The following KIFC1 variants were observed in gnomAD, a reference collection of about 807,000 sequenced individuals.
The protein encoded by KIFC1 is kinesin-like protein KIFC1.
In KIFC1, 37 loss-of-function variants were observed where a neutral mutation model predicts 66.6. That is an observed-to-expected ratio of 0.56 (90% CI 0.43 to 0.73). The LOEUF (loss-of-function observed/expected upper bound fraction) is 0.73, where lower values mean the gene tolerates loss of function less well. Ranked by LOEUF, KIFC1 falls within the 30% of genes least tolerant of loss-of-function variation. KIFC1 has a pLI of 0.00. For missense variants in KIFC1, 721 were observed against 859.8 expected, an observed-to-expected ratio of 0.84 and a Z score of 2.02; for synonymous variants, 325 against 343.5, an observed-to-expected ratio of 0.95 and a Z score of 0.60.
At chr6:33,399,750 T>A (rs1044596284) in intron 3 of KIFC1, among the ~76,000 whole-genome samples, 1 of 152,258 alleles carries the variant, frequency 6.6e-6, no homozygotes, top group African/African-American at 2.4e-5. Flanking sequence ...AACCATTAAA[T>A]GGAGCATGTT....
At chr6:33,397,226 C>T (rs1370261895) in intron 1 of KIFC1, among the ~76,000 whole-genome samples, 11 of 151,822 alleles carry the variant, frequency 7.2e-5, no homozygotes, top group African/African-American at 2.7e-4. Context: ...ATCTGCCCGC[C>T]TCAGCCTCCC....
intron 1 of KIFC1, among the ~76,000 whole-genome samples, chr6:33,396,987 CTT>C (rs9282514): frequency 2.2e-5 from 2 of 89,218 alleles, no homozygotes; most frequent in Admixed American, 1.5e-4. Context: ...TGGCCAAGTT[CTT>C]TTTTTTTTTT....
chr6:33,405,219 A>G lies in KIFC1; in HGVS notation c.1124A>G (p.Asp375Gly), dbSNP rs1409892915. ...APPTRHDFSFDRVFPPGSGQD... is the reference protein window; with the variant it reads ...APPTRHDFSFGRVFPPGSGQD... The stretch of plus-strand genomic sequence containing the variant: ...CCAACTCGCCATGATTTTTCCTTTG[A>G]CCGGGTATTCCCACCAGGAAGTGGA... Residue 375 changes from aspartate to glycine, a missense_variant, in exon 7 of 11, where the codon GAC becomes GGC. Transcript: ENST00000428849. This position sits in a 1 kb window ranked among gnomAD's most constrained non-coding sequence, Gnocchi z 5.4. The G allele has an allele frequency of 2.5e-6, 4 of 1,613,998 alleles. No individual in the cohort carries two copies. The highest frequency in any genetic ancestry group is 1.3e-5 in the African/African-American group (1 of 74,908).
At chr6:33,396,436 C>CTTTTTTTTTT (rs199749552) in intron 1 of KIFC1, among the ~76,000 whole-genome samples, 78 of 116,246 alleles carry the variant, frequency 6.7e-4, no homozygotes, top group Non-Finnish European at 7.9e-4. Context: ...CTTTTCTTTT[C>CTTTTTTTTTT]TTTTTTTTTT....
intron 10 of KIFC1, chr6:33,407,120 C>T: frequency 7.3e-7 from 1 of 1,371,626 alleles, no homozygotes; most frequent in Non-Finnish European, 9.5e-7. Context: ...ACTAAAAGGT[C>T]TAAACTGGTT....
intron 1 of KIFC1, among the ~76,000 whole-genome samples, chr6:33,394,507 T>C (rs1774936156): frequency 6.6e-6 from 1 of 151,696 alleles, no homozygotes; most frequent in South Asian, 2.1e-4. Flanking sequence ...TGATACGGAG[T>C]CTCTCACTCT....
chr6:33,399,182 G>A (rs530466587), intron 3 of KIFC1, among the ~76,000 whole-genome samples: 1 of 152,018 alleles, frequency 6.6e-6, no homozygotes, highest in South Asian at 2.1e-4. Flanking sequence ...GAGGTCCGGA[G>A]TTCCAGACCA....
At chr6:33,402,590 C>T (rs557772370) in intron 3 of KIFC1, among the ~76,000 whole-genome samples, 37 of 151,596 alleles carry the variant, frequency 2.4e-4, no homozygotes, top group African/African-American at 9.0e-4. Flanking sequence ...ATTAGCCAGG[C>T]GTGGTGGCGC....
chr6:33,397,730 AGCCATGC>A (rs1222644360), intron 1 of KIFC1, among the ~76,000 whole-genome samples: 2 of 152,190 alleles, frequency 1.3e-5, no homozygotes, highest in African/African-American at 4.8e-5. Context: ...TTGGTTTCTT[AGCCATGC>A]TATGTACATA....
upstream of KIFC1, chr6:33,391,816 G>A: frequency 1.3e-6 from 1 of 778,226 alleles, no homozygotes; most frequent in Non-Finnish European, 2.2e-6. Flanking sequence ...AGTGGGTGGT[G>A]GCCGTTGGAA....
At chr6:33,391,817 G>T, upstream of KIFC1, 1 of 781,482 alleles carries the variant, frequency 1.3e-6, no homozygotes, top group Non-Finnish European at 2.2e-6. Context: ...GTGGGTGGTG[G>T]CCGTTGGAAT....
At chr6:33,392,843 A>G (rs1023930650) in intron 1 of KIFC1, among the ~76,000 whole-genome samples, 153 of 152,342 alleles carry the variant, frequency 1.0e-3, no homozygotes, top group African/African-American at 3.6e-3. Flanking sequence ...TCTATTAATC[A>G]AGTATTTATT....
At chr6:33,397,918 G>T in intron 1 of KIFC1, 111 bp from the exon 2 acceptor site, 1 of 1,124,364 alleles carries the variant, frequency 8.9e-7, no homozygotes, top group Non-Finnish European at 1.3e-6. Context: ...GGCACAAGTG[G>T]TGCTCAGTGC....
intron 1 of KIFC1, among the ~76,000 whole-genome samples, chr6:33,396,113 C>G (rs1169561475): frequency 6.6e-6 from 1 of 152,182 alleles, no homozygotes; most frequent in African/African-American, 2.4e-5. Flanking sequence ...CAAAAGAAAA[C>G]AGTGTATCAG....
chr6:33,400,654 C>CTTT lies in KIFC1; in HGVS notation c.250+2275_250+2277dup. On this transcript the variant is annotated intron_variant, in intron 3 of 10. Coordinates refer to ENST00000428849, the MANE Select transcript of KIFC1 (RefSeq NM_002263.4). This position sits in a 1 kb window ranked among gnomAD's most constrained non-coding sequence, Gnocchi z 4.3. The stretch of plus-strand genomic sequence containing the variant: ...AGCCGAAAGCCGAGAGCTTCTCTCT[C>CTTT]TTTTTTTTTTGAGATGGAGTCTCGC... 1 of 560,298 alleles carries CTTT rather than the reference C, an allele frequency of 1.8e-6. No homozygotes were observed. The highest frequency in any genetic ancestry group is 3.1e-6 in the Non-Finnish European group (1 of 322,622). 34.7% of individuals were successfully genotyped at this position (560,298 alleles called of 1,614,324 possible). A position where few individuals can be genotyped will look rare whatever the true frequency, so the allele number is the denominator to read the frequency against.
chr6:33,402,591 G>T (rs1473143688), intron 3 of KIFC1, among the ~76,000 whole-genome samples: 1 of 151,916 alleles, frequency 6.6e-6, no homozygotes, highest in Non-Finnish European at 1.5e-5. Flanking sequence ...TTAGCCAGGC[G>T]TGGTGGCGCT....
chr6:33,406,453 G>A lies in KIFC1; in HGVS notation c.1794G>A (p.Thr598=), dbSNP rs576095938. The part of the protein sequence containing the change: ...ETQAINSSLS[T]LGLVIMALSN... ...AGGCCATTAACAGCAGCCTGTCCAC[G>A]CTGGGGCTGGTTATCATGGCCCTGA... The change falls in exon 8 of 11, where the codon ACG becomes ACA. Residue 598 remains threonine, a synonymous_variant. Transcript: ENST00000428849. This position sits in a 1 kb window ranked among gnomAD's most constrained non-coding sequence, Gnocchi z 4.5. 1.3e-5 allele frequency: 21 copies of A among 1,598,856 alleles called. No homozygotes were observed. Among genetic ancestry groups the A allele is most frequent in the African/African-American group, 4.0e-5 (3 of 74,734 alleles).
In KIFC1 at chr6:33,403,295, T is replaced by C. The variant is rs775451275; in HGVS notation, c.251-19T>C. The stretch of plus-strand genomic sequence containing the variant: ...AAGAATGATCATTCTACCTTTGCTC[T>C]CTCCCATCTCCTGGGCAGCTCAAAA... On this transcript the variant is annotated intron_variant, in intron 3 of 10. Transcript: ENST00000428849. This position sits in a 1 kb window ranked among gnomAD's most constrained non-coding sequence, Gnocchi z 4.6. 1 of 1,609,662 alleles carries C rather than the reference T, an allele frequency of 6.2e-7. No homozygotes were observed. The highest frequency in any genetic ancestry group is 8.5e-7 in the Non-Finnish European group (1 of 1,177,232).
Position 33,409,638 on chromosome 6 carries a change from G to C in KIFC1, c.1978-8G>C. On this transcript the variant is annotated splice_region_variant and splice_polypyrimidine_tract_variant and intron_variant, in intron 10 of 10. Coordinates refer to ENST00000428849, the MANE Select transcript of KIFC1 (RefSeq NM_002263.4). Reference sequence around the variant, plus strand: ...AAACTTTTATCCTGTCTAACCCCCTGCCCCCAGGTGAACCAGTGTGTTATT... The same window carrying C: ...AAACTTTTATCCTGTCTAACCCCCTCCCCCCAGGTGAACCAGTGTGTTATT... 1 of 1,613,116 alleles carries C rather than the reference G, an allele frequency of 6.2e-7. No individual in the cohort carries two copies. The highest frequency in any genetic ancestry group is 8.5e-7 in the Non-Finnish European group (1 of 1,179,622).
Sources: allele counts gnomAD v4.1 joint callset (sites outside exome capture counted in the v4.1 genomes callset), GRCh38; gene constraint gnomAD v4.1.1; non-coding constraint Gnocchi (gnomAD v3.1); transcripts MANE v1.5; gene names NCBI Gene and HGNC (gene_info 2026-07-23, HGNC 2026-07-21).